RBFOX1: variants seen among roughly 807,000 people sequenced by gnomAD.
The protein encoded by RBFOX1 is RNA binding protein fox-1 homolog 1.
A neutral mutation model predicts 57.7 loss-of-function variants in RBFOX1; 8 were observed. The observed-to-expected ratio is 0.14, with a 90% CI of 0.08 to 0.25. The LOEUF (loss-of-function observed/expected upper bound fraction) is 0.25. Ranked by LOEUF, RBFOX1 falls within the 10% of genes least tolerant of loss-of-function variation. The pLI, the probability that RBFOX1 is intolerant of heterozygous loss-of-function variation, is 1.00. For missense variants in RBFOX1, 611 were observed against 548.5 expected (o/e 1.11, Z -1.14); for synonymous variants, 326 against 222.4 (o/e 1.47, Z -4.15).
downstream of RBFOX1, among the ~76,000 whole-genome samples, chr16:5,602,217 T>C (rs2047388998): frequency 6.6e-6 from 1 of 152,248 alleles, no homozygotes; most frequent in Non-Finnish European, 1.5e-5. Context: ...GGCCTGACCA[T>C]CTCTGGATGG....
At chr16:6,671,743 A>G (rs766178749) in intron 3 of RBFOX1, among the ~76,000 whole-genome samples, 19 of 152,200 alleles carry the variant, frequency 1.2e-4, no homozygotes, top group Non-Finnish European at 1.3e-4. Flanking sequence ...AGTTACTTCA[A>G]TTAGAATAAC....
chr16:6,115,730 T>C (rs143592864), intron 1 of RBFOX1, among the ~76,000 whole-genome samples: 7 of 152,306 alleles, frequency 4.6e-5, no homozygotes, highest in Non-Finnish European at 1.0e-4. Flanking sequence ...GTGAAGTTTA[T>C]TTACCAAGCT....
Position 6,789,068 on chromosome 16 carries a change from C to G in RBFOX1, c.-16+134418C>G, listed in dbSNP as rs968565966. On this transcript the variant is annotated intron_variant, in intron 3 of 15. Transcript: ENST00000550418. ...TAGAAACATGGATGTCGCGAAATTG[C>G]CTATTAAACAGGGAAGCTATTAAAC... is the stretch of plus-strand genomic sequence containing the variant. Among the ~76,000 whole-genome samples the G allele has an allele frequency of 2.4e-4, 36 of 152,152 alleles. 1 individual carries two copies. Among genetic ancestry groups the G allele is most frequent in the African/African-American group, 8.2e-4 (34 of 41,488 alleles).
chr16:7,231,167 C>T (rs920556121), intron 4 of RBFOX1, among the ~76,000 whole-genome samples: 10 of 152,258 alleles, frequency 6.6e-5, no homozygotes, highest in Non-Finnish European at 1.5e-4. Context: ...ACCACTATAG[C>T]TTAAAACTCC....
At chr16:6,653,644 GA>G (rs2098618609) in intron 2 of RBFOX1, among the ~76,000 whole-genome samples, 1 of 151,808 alleles carries the variant, frequency 6.6e-6, no homozygotes, top group Admixed American at 6.6e-5. Context: ...TGGATGAATG[GA>G]TGGATGGATG....
intron 1 of RBFOX1, among the ~76,000 whole-genome samples, chr16:5,285,180 T>G (rs1409252285): frequency 2.6e-5 from 4 of 152,184 alleles, no homozygotes; most frequent in Non-Finnish European, 4.4e-5. Context: ...ACTGGATTAT[T>G]TTAAAAGACT....
chr16:7,183,141 C>T (rs1031740479), intron 4 of RBFOX1, among the ~76,000 whole-genome samples: 2 of 152,126 alleles, frequency 1.3e-5, no homozygotes, highest in Admixed American at 6.5e-5. Context: ...AGTATTCAAC[C>T]CTCTTTTTAT....
At chr16:6,756,053 C>T (rs1376947704) in intron 3 of RBFOX1, among the ~76,000 whole-genome samples, 4 of 152,232 alleles carry the variant, frequency 2.6e-5, no homozygotes, top group African/African-American at 7.2e-5. Flanking sequence ...AGGTGCCTCC[C>T]AGGGAGTGAC....
intron 1 of RBFOX1, among the ~76,000 whole-genome samples, chr16:5,279,223 C>G (rs2063213068): frequency 6.6e-6 from 1 of 152,066 alleles, no homozygotes; most frequent in Non-Finnish European, 1.5e-5. Flanking sequence ...GCATGAGATG[C>G]TTTTCCATTT....
At chr16:5,780,817 C>G (rs1440275255) in intron 3 of RBFOX1, among the ~76,000 whole-genome samples, 1 of 152,188 alleles carries the variant, frequency 6.6e-6, no homozygotes, top group African/African-American at 2.4e-5. Context: ...TAACCTTGAG[C>G]AAGACACTTC....
At chr16:6,333,799 G>A (rs551782687) in intron 2 of RBFOX1, among the ~76,000 whole-genome samples, 1 of 152,216 alleles carries the variant, frequency 6.6e-6, no homozygotes, top group African/African-American at 2.4e-5. Context: ...AAAGATACTT[G>A]TCATCTGTCA....
chr16:7,461,311 A>T (rs1266340183), intron 4 of RBFOX1, among the ~76,000 whole-genome samples: 1 of 151,976 alleles, frequency 6.6e-6, no homozygotes, highest in East Asian at 1.9e-4. Flanking sequence ...GGGATTACAG[A>T]TATGTGCCAC....
chr16:6,113,958 C>T (rs974105438), intron 1 of RBFOX1, among the ~76,000 whole-genome samples: 1 of 152,266 alleles, frequency 6.6e-6, no homozygotes, highest in East Asian at 1.9e-4. Flanking sequence ...TCCAGCTGTT[C>T]TAAATAGAGC....
At position 6,813,256 on chromosome 16, in the gene RBFOX1, T is replaced by G. The variant is rs543840980; in HGVS notation, c.-16+158606T>G. Reference sequence around the variant, plus strand: ...ACTTCTCCGGTTCCCCAGATAGTATTCCAGTTCTTTCTGGCAGTCCTCAAA... The same window carrying G: ...ACTTCTCCGGTTCCCCAGATAGTATGCCAGTTCTTTCTGGCAGTCCTCAAA... On this transcript the variant is annotated intron_variant, in intron 3 of 15. Coordinates refer to ENST00000550418, the MANE Select transcript of RBFOX1 (RefSeq NM_018723.4). 1.1e-3 allele frequency among the ~76,000 whole-genome samples: 170 copies of G among 152,264 alleles called. 1 individual carries two copies. Among genetic ancestry groups the G allele is most frequent in the African/African-American group, 3.8e-3 (159 of 41,550 alleles).
At chr16:6,541,830 A>T (rs1027119341) in intron 2 of RBFOX1, among the ~76,000 whole-genome samples, 3 of 152,206 alleles carry the variant, frequency 2.0e-5, no homozygotes, top group African/African-American at 7.2e-5. Context: ...AAGACTTACA[A>T]ACAACTTTAA....
chr16:5,573,029 G>A (rs1029850162), intron 2 of RBFOX1, among the ~76,000 whole-genome samples: 24 of 152,150 alleles, frequency 1.6e-4, no homozygotes, highest in African/African-American at 5.8e-4. Context: ...TGTACAGAGG[G>A]CCATATGGGG....
At chr16:6,183,902 A>G (rs912904975) in intron 1 of RBFOX1, among the ~76,000 whole-genome samples, 1 of 152,172 alleles carries the variant, frequency 6.6e-6, no homozygotes, top group Non-Finnish European at 1.5e-5. Context: ...AAAAGAAGCC[A>G]TTGGAGGATG....
chr16:5,790,192 C>A (rs1215645839), intron 3 of RBFOX1, among the ~76,000 whole-genome samples: 1 of 152,200 alleles, frequency 6.6e-6, no homozygotes, highest in African/African-American at 2.4e-5. Flanking sequence ...TGACAAATAG[C>A]CCTTCTTCCA....
intron 5 of RBFOX1, among the ~76,000 whole-genome samples, chr16:7,550,420 C>T (rs74010599): frequency 0.041 from 6,167 of 152,106 alleles, 379 homozygotes; most frequent in African/African-American, 0.14. Context: ...TCTGAGAGCC[C>T]GTGGAATGTT....
Sources: allele counts gnomAD v4.1 joint callset (sites outside exome capture counted in the v4.1 genomes callset), GRCh38; gene constraint gnomAD v4.1.1; transcripts MANE v1.5; gene names NCBI Gene and HGNC (gene_info 2026-07-23, HGNC 2026-07-21).